The following SPECC1 variants were observed in gnomAD, a reference collection of about 807,000 sequenced individuals.
The protein encoded by SPECC1 is cytospin-B.
In SPECC1, 62 loss-of-function variants were observed where a neutral mutation model predicts 104.1. The observed-to-expected ratio is 0.60, with a 90% CI of 0.49 to 0.74. The LOEUF is 0.74. SPECC1 is among the 30% of genes least tolerant of loss of function. The probability of loss-of-function intolerance (pLI) is 0.00; values close to 1 mark genes in which losing one functional copy is unlikely to be tolerated. For synonymous variants in SPECC1, 513 were observed against 501.6 expected, an observed-to-expected ratio of 1.02 and a Z score of -0.30; for missense variants, 1,306 against 1,310.5, an observed-to-expected ratio of 1.00 and a Z score of 0.05.
intron 12 of SPECC1, among the ~76,000 whole-genome samples, chr17:20,269,674 G>A (rs372030486): frequency 1.8e-4 from 28 of 152,306 alleles, no homozygotes; most frequent in East Asian, 1.4e-3. Context: ...GCACCCGGCC[G>A]GTTGGCAGCA....
intron 1 of SPECC1, among the ~76,000 whole-genome samples, chr17:20,021,438 A>G (rs958575212): frequency 6.6e-6 from 1 of 151,896 alleles, no homozygotes. Context: ...TCTCCTGTAG[A>G]TGGACACCCA....
At chr17:20,051,100 CTTT>C (rs2045742933) in intron 1 of SPECC1, among the ~76,000 whole-genome samples, 2 of 120,654 alleles carry the variant, frequency 1.7e-5, no homozygotes, top group Admixed American at 8.7e-5. Flanking sequence ...TTCTTTCTTT[CTTT>C]CTTTCTTTCT....
At chr17:20,136,710 T>C (rs1003250824) in intron 3 of SPECC1, among the ~76,000 whole-genome samples, 1 of 152,186 alleles carries the variant, frequency 6.6e-6, no homozygotes, top group African/African-American at 2.4e-5. Context: ...GGACACACCA[T>C]TCTGCACGTG....
At chr17:20,179,383 C>T (rs902633489) in intron 3 of SPECC1, among the ~76,000 whole-genome samples, 9 of 152,370 alleles carry the variant, frequency 5.9e-5, no homozygotes, top group African/African-American at 2.2e-4. Context: ...ATAGTCCTTG[C>T]TTTGCAGCAT....
At chr17:20,182,765 G>A (rs2034996044) in intron 3 of SPECC1, among the ~76,000 whole-genome samples, 1 of 152,204 alleles carries the variant, frequency 6.6e-6, no homozygotes, top group Non-Finnish European at 1.5e-5. Context: ...GGAAAGGGGT[G>A]AAGAAAGAGA....
At chr17:20,097,173 A>G (rs992529803) in intron 2 of SPECC1, among the ~76,000 whole-genome samples, 7 of 152,100 alleles carry the variant, frequency 4.6e-5, no homozygotes, top group African/African-American at 1.7e-4. Flanking sequence ...TGGACCCCGC[A>G]GCAGCATGGA....
intron 2 of SPECC1, 139 bp downstream of exon 2, chr17:20,096,937 A>G (rs1413062961): frequency 6.4e-6 from 7 of 1,089,538 alleles, no homozygotes; most frequent in East Asian, 4.8e-5. Context: ...GAGGACCAGC[A>G]TGCCTGGACA....
intron 12 of SPECC1, among the ~76,000 whole-genome samples, chr17:20,290,013 A>G (rs948834306): frequency 6.6e-6 from 1 of 151,906 alleles, no homozygotes. Flanking sequence ...CTTTTTTAAG[A>G]TGGTACACAT....
At chr17:20,262,275 TA>T (rs1378348195) in intron 12 of SPECC1, among the ~76,000 whole-genome samples, 1 of 152,352 alleles carries the variant, frequency 6.6e-6, no homozygotes, top group Admixed American at 6.5e-5. Context: ...TTCTTGTGCG[TA>T]TTTCCTGAAA....
chr17:20,178,951 T>C (rs2034668015), intron 3 of SPECC1, among the ~76,000 whole-genome samples: 1 of 152,172 alleles, frequency 6.6e-6, no homozygotes, highest in African/African-American at 2.4e-5. Flanking sequence ...TTGAGGGAAA[T>C]TGGGATGCCA....
chr17:20,093,920 A>T (rs545437502), intron 1 of SPECC1, among the ~76,000 whole-genome samples: 8 of 151,782 alleles, frequency 5.3e-5, no homozygotes, highest in African/African-American at 1.9e-4. Flanking sequence ...TTAGTGAGAC[A>T]GGGTCTCACC....
chr17:20,293,616 A>T, intron 12 of SPECC1, among the ~76,000 whole-genome samples: 1 of 152,204 alleles, frequency 6.6e-6, no homozygotes, highest in African/African-American at 2.4e-5. Context: ...CAAGAAGAGG[A>T]AGAGCTCCTC....
intron 3 of SPECC1, among the ~76,000 whole-genome samples, chr17:20,177,066 T>C (rs1164771621): frequency 6.6e-6 from 1 of 152,136 alleles, no homozygotes; most frequent in Non-Finnish European, 1.5e-5. Flanking sequence ...GGGAAAAGTT[T>C]GATAGAAGAG....
intron 11 of SPECC1, among the ~76,000 whole-genome samples, chr17:20,259,176 A>G (rs1184836665): frequency 6.6e-6 from 1 of 152,196 alleles, no homozygotes; most frequent in East Asian, 1.9e-4. Flanking sequence ...ATATATTTGG[A>G]CCCAAATAGA....
At chr17:20,293,178 G>A (rs1288766806) in intron 12 of SPECC1, among the ~76,000 whole-genome samples, 1 of 151,332 alleles carries the variant, frequency 6.6e-6, no homozygotes, top group East Asian at 1.9e-4. Context: ...AAGAAATCTA[G>A]ATAAAAACCT....
At chr17:20,082,698 C>T (rs116397609) in intron 1 of SPECC1, among the ~76,000 whole-genome samples, 1,874 of 152,222 alleles carry the variant, frequency 0.012, 44 homozygotes, top group African/African-American at 0.043. Flanking sequence ...GGACATCAGT[C>T]ATACTGGATT....
intron 12 of SPECC1, among the ~76,000 whole-genome samples, chr17:20,266,425 A>G (rs2040219827): frequency 2.0e-5 from 3 of 152,162 alleles, no homozygotes; most frequent in Admixed American, 1.3e-4. Flanking sequence ...CTACTAAAAA[A>G]TACAAAAAAT....
At chr17:20,028,310 T>G (rs561250573) in intron 1 of SPECC1, among the ~76,000 whole-genome samples, 2 of 152,112 alleles carry the variant, frequency 1.3e-5, no homozygotes, top group Admixed American at 6.6e-5. Context: ...CAGACCTATT[T>G]GTTGAAAAGA....
rs1430542482 is a variant in SPECC1, at chr17:20,318,234, C to T, written c.*4169C>T. On this transcript the variant is annotated 3_prime_UTR_variant, in exon 15 of 15. Coordinates refer to ENST00000395527, the MANE Select transcript of SPECC1 (RefSeq NM_001243439.2). ...TGGAGAGTTTTTCAAGGTGAGAAGT[C>T]GCTGTTCTCTGCATTGAACATGGAT... 8.6e-6 allele frequency: 2 copies of T among 232,206 alleles called. No individual in the cohort carries two copies. Among genetic ancestry groups the T allele is most frequent in the African/African-American group, 2.2e-5 (1 of 45,286 alleles). The allele number at this position is 232,206 out of a possible 1,614,324, so 14.4% of individuals were successfully genotyped here.
Sources: gnomAD v4.1 joint callset for allele counts (sites outside exome capture counted in the v4.1 genomes callset) on GRCh38, gnomAD v4.1.1 for gene constraint, MANE v1.5 for transcripts, NCBI Gene and HGNC (gene_info 2026-07-23, HGNC 2026-07-21) for gene names.